TTC7B: variants seen among roughly 807,000 people sequenced by gnomAD.
TTC7B encodes tetratricopeptide repeat domain 7B.
A neutral mutation model predicts 106.8 loss-of-function variants in TTC7B; 28 were observed. The ratio of observed to expected loss-of-function variants is 0.26; its 90% CI spans 0.19 to 0.36. The LOEUF (loss-of-function observed/expected upper bound fraction) is 0.36, where lower values mean the gene tolerates loss of function less well. TTC7B is among the 10% of genes least tolerant of loss of function. The pLI is 1.00. For synonymous variants in TTC7B, 405 were observed against 430.6 expected, an observed-to-expected ratio of 0.94 and a Z score of 0.74; for missense variants, 862 against 1,076.4, an observed-to-expected ratio of 0.80 and a Z score of 2.79.
intron 7 of TTC7B, among the ~76,000 whole-genome samples, chr14:90,687,220 GT>G (rs1193700766): frequency 6.6e-6 from 1 of 152,148 alleles, no homozygotes; most frequent in Non-Finnish European, 1.5e-5. Context: ...CAATAAAACA[GT>G]TTTTTTAAAA....
intron 9 of TTC7B, among the ~76,000 whole-genome samples, chr14:90,659,586 C>T (rs1386816752): frequency 6.6e-6 from 1 of 152,044 alleles, no homozygotes; most frequent in African/African-American, 2.4e-5. Context: ...GGAGGGCATG[C>T]AGCAGTGTCA....
At chr14:90,748,847 T>C (rs1408121076) in intron 3 of TTC7B, among the ~76,000 whole-genome samples, 1 of 152,248 alleles carries the variant, frequency 6.6e-6, no homozygotes. Context: ...AATTATAATT[T>C]CCAGCTCTCT....
intron 6 of TTC7B, among the ~76,000 whole-genome samples, chr14:90,692,995 G>A (rs1187087042): frequency 1.3e-5 from 2 of 151,812 alleles, no homozygotes; most frequent in East Asian, 3.9e-4. Context: ...TGGCCATCTG[G>A]CCCCATGAGT....
chr14:90,660,417 A>AAAAAAG lies in TTC7B; in HGVS notation c.1153-2031_1153-2030insCTTTTT, dbSNP rs1555386791. ...TCTCAAAAAAAAAAAAAAAAAAAAAAAAAAGAAAAGAAAAGAAAAGAAAAA... is the reference window on the plus strand; with the variant it reads ...TCTCAAAAAAAAAAAAAAAAAAAAAAAAAAAGAAAAGAAAAGAAAAGAAAAGAAAAA... On this transcript the variant is annotated intron_variant, in intron 9 of 19. Transcript: ENST00000328459. Among the ~76,000 whole-genome samples, 559 of 119,350 alleles carry AAAAAAG rather than the reference A, an allele frequency of 4.7e-3. 11 individuals are homozygous for AAAAAAG. Among genetic ancestry groups the AAAAAAG allele is most frequent in the African/African-American group, 0.02 (530 of 27,058 alleles). 78.3% of individuals were successfully genotyped at this position (119,350 alleles called of 152,430 possible). A position where few individuals can be genotyped will look rare whatever the true frequency, so the allele number is the denominator to read the frequency against.
intron 1 of TTC7B, among the ~76,000 whole-genome samples, chr14:90,793,338 A>T (rs1326457490): frequency 6.6e-6 from 1 of 152,024 alleles, no homozygotes; most frequent in Non-Finnish European, 1.5e-5. Flanking sequence ...AGCTTGGCCA[A>T]CATGGCAAAA....
rs1891003227 is a variant in TTC7B at position 90,570,799 on chromosome 14, A to G, written c.2310+7307T>C. 6.6e-6 allele frequency among the ~76,000 whole-genome samples: 1 copy of G among 152,146 alleles called. No individual in the cohort carries two copies. Among genetic ancestry groups the G allele is most frequent in the South Asian group, 2.1e-4 (1 of 4,820 alleles). On this transcript the variant is annotated intron_variant, in intron 19 of 19. Coordinates refer to ENST00000328459, the MANE Select transcript of TTC7B (RefSeq NM_001010854.2). The surrounding 1 kb of genome is among the most constrained non-coding windows in gnomAD (Gnocchi z 4.0). ...GGAGTGTGAGGCACCCTGCTAACTC[A>G]TTTAACCCGCACAGCAACACCACCG...
rs190391418 is a variant in TTC7B at position 90,625,497 on chromosome 14, A to G, written c.1752-7452T>C. Among the ~76,000 whole-genome samples the G allele has an allele frequency of 2.6e-3, 395 of 152,342 alleles. 1 individual carries two copies. Among genetic ancestry groups the G allele is most frequent in the South Asian group, 3.5e-3 (17 of 4,830 alleles). ...TGGGTTTCCAAAGCACCCCAATCTC[A>G]GAAGGTGTTATATCTCTGCAAACAG... On this transcript the variant is annotated intron_variant, in intron 15 of 19. Coordinates refer to ENST00000328459, the MANE Select transcript of TTC7B (RefSeq NM_001010854.2).
chr14:90,587,097 C>T (rs60584801), intron 18 of TTC7B, among the ~76,000 whole-genome samples: 6 of 152,128 alleles, frequency 3.9e-5, no homozygotes, highest in South Asian at 2.1e-4. Context: ...CCTGCTCTGC[C>T]GGCGTCCACT....
chr14:90,557,240 C>A lies in TTC7B; in HGVS notation c.2311-15651G>T, dbSNP rs575147175. ...TATCACTGAACACTGGCAGCAAAGG[C>A]CTGTCCCCAGTTATCTCAGCGAGAG... On this transcript the variant is annotated intron_variant, in intron 19 of 19. Coordinates refer to ENST00000328459, the MANE Select transcript of TTC7B (RefSeq NM_001010854.2). Among the ~76,000 whole-genome samples, 8 of 152,288 alleles carry A rather than the reference C, an allele frequency of 5.3e-5. No individual in the cohort carries two copies. In the South Asian group the frequency reaches 1.7e-3, roughly 32 times the overall value.
At chr14:90,756,372 CT>C (rs34712356) in intron 3 of TTC7B, among the ~76,000 whole-genome samples, 80,547 of 139,578 alleles carry the variant, frequency 0.58, 22,598 homozygotes, top group Middle Eastern at 0.71. Context: ...TTATTTTCTT[CT>C]TTTTTTTTTT....
chr14:90,795,405 T>A (rs1891741902), intron 1 of TTC7B, among the ~76,000 whole-genome samples: 1 of 152,198 alleles, frequency 6.6e-6, no homozygotes, highest in South Asian at 2.1e-4. Context: ...CCCATGTGCC[T>A]ATGCACTCAC....
rs1321868074 is a variant in TTC7B at position 90,608,179 on chromosome 14, A to C, written c.1966+2563T>G. 6.6e-6 allele frequency among the ~76,000 whole-genome samples: 1 copy of C among 152,206 alleles called. No individual in the cohort carries two copies. Among genetic ancestry groups the C allele is most frequent in the African/African-American group, 2.4e-5 (1 of 41,434 alleles). ...GAACCATATGCAACTGGGCTTTATT[A>C]ATCAAGATGGAGGCATTTTTCCCCA... is the stretch of plus-strand genomic sequence containing the variant. On this transcript the variant is annotated intron_variant, in intron 17 of 19. Coordinates refer to ENST00000328459, the MANE Select transcript of TTC7B (RefSeq NM_001010854.2). This position sits in a 1 kb window ranked among gnomAD's most constrained non-coding sequence, Gnocchi z 5.1.
intron 3 of TTC7B, among the ~76,000 whole-genome samples, chr14:90,756,384 G>GTTTT (rs369068692): frequency 7.9e-6 from 1 of 126,776 alleles, no homozygotes; most frequent in Non-Finnish European, 1.6e-5. Context: ...TTTTTTTTTT[G>GTTTT]TTTTTTTTTT....
intron 1 of TTC7B, among the ~76,000 whole-genome samples, chr14:90,815,869 G>A (rs1438636647): frequency 6.6e-6 from 1 of 151,408 alleles, no homozygotes; most frequent in Non-Finnish European, 1.5e-5. Flanking sequence ...ACCTCCTGTG[G>A]TCCCAGTGGA....
intron 5 of TTC7B, among the ~76,000 whole-genome samples, chr14:90,725,085 C>T (rs923890820): frequency 6.6e-6 from 1 of 152,164 alleles, no homozygotes; most frequent in Non-Finnish European, 1.5e-5. Flanking sequence ...TTATTAAATG[C>T]TTACAGGAAA....
intron 1 of TTC7B, among the ~76,000 whole-genome samples, chr14:90,794,661 G>T (rs72695557): frequency 6.6e-6 from 1 of 152,116 alleles, no homozygotes; most frequent in Non-Finnish European, 1.5e-5. Flanking sequence ...CTCTGAGCAG[G>T]GAAGTTACAA....
intron 6 of TTC7B, 135 bp downstream of exon 6, chr14:90,695,365 G>A (rs1209812783): frequency 4.0e-6 from 1 of 248,322 alleles, no homozygotes; most frequent in Non-Finnish European, 6.9e-6. Context: ...TATGTATAAT[G>A]CATATATGTC....
chr14:90,780,109 C>T (rs182280012), intron 3 of TTC7B, among the ~76,000 whole-genome samples: 6 of 152,252 alleles, frequency 3.9e-5, no homozygotes, highest in East Asian at 3.9e-4. Flanking sequence ...AAGCTGGGCG[C>T]GGTGGCTCAT....
rs1555372757 is a variant in TTC7B, at chr14:90,537,373, T to TC, written c.*3994_*3995insG. 1.7e-3 allele frequency: 94 copies of TC among 54,450 alleles called. 3 individuals are homozygous for TC. The highest frequency in any genetic ancestry group is 5.8e-3 in the African/African-American group (93 of 16,158). The allele number at this position is 54,450 out of a possible 1,614,324, so 3.4% of individuals were successfully genotyped here. On this transcript the variant is annotated 3_prime_UTR_variant, in exon 20 of 20. Coordinates refer to ENST00000328459, the MANE Select transcript of TTC7B (RefSeq NM_001010854.2). ...GGCTATTTTTTTTTTTTTGTAGAGA[T>TC]GGGGGGGGGGTCTCACCATGTTGCC... is the stretch of plus-strand genomic sequence containing the variant.
Sources: allele counts gnomAD v4.1 joint callset (sites outside exome capture counted in the v4.1 genomes callset), GRCh38; gene constraint gnomAD v4.1.1; non-coding constraint Gnocchi (gnomAD v3.1); transcripts MANE v1.5; gene names NCBI Gene and HGNC (gene_info 2026-07-23, HGNC 2026-07-21).